Variants in QTMAN observed in about 807,000 individuals in gnomAD.
The protein encoded by QTMAN is tRNA-queuosine alpha-mannosyltransferase.
the QTMAN span, among the ~76,000 whole-genome samples, chr2:144,066,091 T>A: frequency 6.6e-6 from 1 of 152,200 alleles, no homozygotes; most frequent in Non-Finnish European, 1.5e-5. Flanking sequence ...ATGCTGTGGA[T>A]TCTTGTAGAC....
chr2:144,028,326 C>A, the QTMAN span, among the ~76,000 whole-genome samples: 3 of 151,986 alleles, frequency 2.0e-5, no homozygotes, highest in African/African-American at 4.8e-5. Context: ...AAGGTTATTG[C>A]CAGAGAAAGT....
chr2:144,092,113 T>C, the QTMAN span, among the ~76,000 whole-genome samples: 1 of 152,262 alleles, frequency 6.6e-6, no homozygotes, highest in South Asian at 2.1e-4. Context: ...ATATGTTCAT[T>C]ATCTTGTCTG....
the QTMAN span, among the ~76,000 whole-genome samples, chr2:144,044,287 T>G: frequency 6.6e-6 from 1 of 152,212 alleles, no homozygotes; most frequent in African/African-American, 2.4e-5. Flanking sequence ...GATTTTGCCC[T>G]ATAGCATGCA....
the QTMAN span, among the ~76,000 whole-genome samples, chr2:144,052,976 G>T: frequency 6.6e-6 from 1 of 152,130 alleles, no homozygotes; most frequent in Non-Finnish European, 1.5e-5. Flanking sequence ...TTGGGTTATG[G>T]ATACACAGGA....
chr2:144,155,863 A>G, the QTMAN span, among the ~76,000 whole-genome samples: 6 of 152,240 alleles, frequency 3.9e-5, no homozygotes, highest in African/African-American at 1.4e-4. Context: ...AACAATAATA[A>G]TATCTGCTTC....
chr2:144,124,676 C>T, the QTMAN span, among the ~76,000 whole-genome samples: 991 of 152,158 alleles, frequency 6.5e-3, 3 homozygotes, highest in Non-Finnish European at 0.01. Context: ...AACCAAATTC[C>T]GGTGTTCAGT....
At chr2:144,067,422 G>A in the QTMAN span, among the ~76,000 whole-genome samples, 2 of 152,202 alleles carry the variant, frequency 1.3e-5, no homozygotes, top group Non-Finnish European at 2.9e-5. Context: ...AAGGAGGTGT[G>A]TGCATGCACA....
chr2:144,206,516 TAA>T, the QTMAN span, among the ~76,000 whole-genome samples: 1 of 152,216 alleles, frequency 6.6e-6, no homozygotes, highest in Admixed American at 6.5e-5. Context: ...TGCTCAAATA[TAA>T]GTTAAACTGG....
chr2:144,306,685 T>C, the QTMAN span, among the ~76,000 whole-genome samples: 1 of 152,082 alleles, frequency 6.6e-6, no homozygotes, highest in South Asian at 2.1e-4. Flanking sequence ...ATAGGTCTCA[T>C]AAACACACAT....
At chr2:144,162,383 A>C in the QTMAN span, among the ~76,000 whole-genome samples, 2 of 152,224 alleles carry the variant, frequency 1.3e-5, no homozygotes, top group African/African-American at 4.8e-5. Context: ...TGAATAAAGC[A>C]GAAGAGTAAA....
chr2:144,108,802 C>T, the QTMAN span, among the ~76,000 whole-genome samples: 1 of 152,166 alleles, frequency 6.6e-6, no homozygotes. Flanking sequence ...TGAGTGAACT[C>T]CTATTCACAA....
the QTMAN span, among the ~76,000 whole-genome samples, chr2:144,308,163 T>G: frequency 2.6e-5 from 3 of 114,964 alleles, no homozygotes; most frequent in South Asian, 2.6e-4. Context: ...TGATTGGTTG[T>G]TTTTTTTTTT....
the QTMAN span, among the ~76,000 whole-genome samples, chr2:144,204,634 C>T: frequency 6.6e-6 from 1 of 152,174 alleles, no homozygotes; most frequent in Non-Finnish European, 1.5e-5. Flanking sequence ...CCAGCCATCT[C>T]ATTACTGGGT....
chr2:144,099,695 A>G, the QTMAN span, among the ~76,000 whole-genome samples: 2 of 152,130 alleles, frequency 1.3e-5, no homozygotes, highest in African/African-American at 4.8e-5. Flanking sequence ...AAACTCACCA[A>G]AATGGTCTAG....
At chr2:144,281,812 T>C in the QTMAN span, among the ~76,000 whole-genome samples, 1 of 152,216 alleles carries the variant, frequency 6.6e-6, no homozygotes, top group Non-Finnish European at 1.5e-5. Context: ...TGCCAACACA[T>C]TGATCTTAGA....
At chr2:144,018,762 G>A in the QTMAN span, among the ~76,000 whole-genome samples, 5 of 152,148 alleles carry the variant, frequency 3.3e-5, no homozygotes, top group Non-Finnish European at 7.3e-5. Flanking sequence ...TTATGTGCCA[G>A]GTAAATTAGC....
the QTMAN span, among the ~76,000 whole-genome samples, chr2:144,255,153 AT>A: frequency 1.3e-5 from 2 of 152,184 alleles, no homozygotes; most frequent in Non-Finnish European, 2.9e-5. Flanking sequence ...GTGTTTTGAA[AT>A]GTGAGGATAG....
At chr2:144,228,125 G>C in the QTMAN span, among the ~76,000 whole-genome samples, 4 of 152,256 alleles carry the variant, frequency 2.6e-5, no homozygotes, top group Non-Finnish European at 5.9e-5. Flanking sequence ...ATCCCTGATA[G>C]TATCAGTTAC....
the QTMAN span, among the ~76,000 whole-genome samples, chr2:144,050,781 GCA>G: frequency 2.3e-4 from 34 of 148,844 alleles, no homozygotes; most frequent in African/African-American, 4.9e-4. Context: ...CTTTCAGTCA[GCA>G]CACACACACA....
Sources: gnomAD v4.1 joint callset for allele counts (sites outside exome capture counted in the v4.1 genomes callset) on GRCh38, gnomAD v4.1.1 for gene constraint, MANE v1.5 for transcripts, NCBI Gene and HGNC (gene_info 2026-07-23, HGNC 2026-07-21) for gene names.